The following SH3GL2 variants were observed in gnomAD, a reference collection of about 807,000 sequenced individuals.
SH3GL2 encodes the protein SH3 domain containing GRB2 like 2, endophilin A1, also known as endophilin-A1.
Under a neutral mutation model 46.0 loss-of-function variants are expected in SH3GL2, and 24 were observed. The ratio of observed to expected loss-of-function variants is 0.52; its 90% confidence interval spans 0.38 to 0.73. The LOEUF (loss-of-function observed/expected upper bound fraction) is 0.73, where lower values mean the gene tolerates loss of function less well. Among genes scored for constraint, SH3GL2 ranks in the 30% least tolerant of loss-of-function variants. The pLI is 0.00. For missense variants in SH3GL2, 413 were observed against 424.2 expected (o/e 0.97, Z 0.23); for synonymous variants, 196 against 147.1 (o/e 1.33, Z -2.40).
chr9:17,786,650 C>T, intron 4 of SH3GL2, 126 bp downstream of exon 4: 1 of 849,496 alleles, frequency 1.2e-6, no homozygotes, highest in South Asian at 1.5e-5. Flanking sequence ...AGATCCTACA[C>T]ACATGGGCCA....
At chr9:17,672,589 G>T (rs745542438) in intron 1 of SH3GL2, among the ~76,000 whole-genome samples, 5 of 152,072 alleles carry the variant, frequency 3.3e-5, no homozygotes, top group Non-Finnish European at 5.9e-5. Context: ...GGAGGCAAAT[G>T]AGCTGCAACA....
At chr9:17,706,630 C>G (rs1588259697) in intron 1 of SH3GL2, among the ~76,000 whole-genome samples, 5 of 152,046 alleles carry the variant, frequency 3.3e-5, no homozygotes, top group African/African-American at 1.2e-4. Context: ...CTGTTCATGT[C>G]TTTGTTCTAG....
intron 1 of SH3GL2, among the ~76,000 whole-genome samples, chr9:17,718,311 C>T (rs1013549654): frequency 4.6e-5 from 7 of 152,184 alleles, no homozygotes; most frequent in Middle Eastern, 3.4e-3. Flanking sequence ...ACATTGCCAA[C>T]GATATGAAAA....
intron 1 of SH3GL2, among the ~76,000 whole-genome samples, chr9:17,651,762 C>T (rs982839452): frequency 1.6e-4 from 24 of 151,968 alleles, no homozygotes; most frequent in Non-Finnish European, 2.9e-5. Flanking sequence ...TTCATATTTC[C>T]AATATTTCCT....
chr9:17,795,179 C>A (rs1252661718), intron 8 of SH3GL2, among the ~76,000 whole-genome samples: 1 of 152,206 alleles, frequency 6.6e-6, no homozygotes, highest in African/African-American at 2.4e-5. Flanking sequence ...TAACCTACAT[C>A]ATTATATTCT....
chr9:17,579,113 C>T lies in SH3GL2; in HGVS notation c.-130C>T, dbSNP rs540242145. On this transcript the variant is annotated 5_prime_UTR_variant, in exon 1 of 9. Coordinates refer to ENST00000380607, the MANE Select transcript of SH3GL2 (RefSeq NM_003026.5). ...GCCCGTGTCCCGCTAGGCTCCGCGC[C>T]CTCGCGCCCATAGCCCCGGCGGCGG... The T allele has an allele frequency of 5.5e-6, 3 of 544,062 alleles. No homozygotes were observed. The East Asian group carries it at 1.1e-4, about 20-fold the overall frequency. The allele number at this position is 544,062 out of a possible 1,614,324, so 33.7% of individuals were successfully genotyped here. A position where few individuals can be genotyped will look rare whatever the true frequency, so the allele number is the denominator to read the frequency against.
intron 1 of SH3GL2, among the ~76,000 whole-genome samples, chr9:17,675,998 G>A (rs1406222820): frequency 6.6e-6 from 1 of 152,122 alleles, no homozygotes; most frequent in African/African-American, 2.4e-5. Flanking sequence ...TATTGGATTT[G>A]GTCTACTGAT....
chr9:17,660,300 C>G (rs942996162), intron 1 of SH3GL2, among the ~76,000 whole-genome samples: 1 of 152,308 alleles, frequency 6.6e-6, no homozygotes, highest in African/African-American at 2.4e-5. Flanking sequence ...GTCTGTCCCT[C>G]TGGCTGCCTG....
At chr9:17,657,430 G>A (rs902096302) in intron 1 of SH3GL2, among the ~76,000 whole-genome samples, 2 of 152,168 alleles carry the variant, frequency 1.3e-5, no homozygotes, top group African/African-American at 2.4e-5. Context: ...TCTGGTCTTG[G>A]CAGTAGTGTG....
chr9:17,757,115 A>C lies in SH3GL2; in HGVS notation c.115-4322A>C, dbSNP rs1011348741. On this transcript the variant is annotated intron_variant, in intron 2 of 8. Coordinates refer to ENST00000380607, the MANE Select transcript of SH3GL2 (RefSeq NM_003026.5). ...TTTTCCATATGTCTGTTGGCTGCAT[A>C]AATGTCTTCTTTTGAGAAGTGTCTG... 2.6e-5 allele frequency among the ~76,000 whole-genome samples: 4 copies of C among 152,298 alleles called. 1 individual carries two copies. The South Asian group carries it at 6.2e-4, about 24-fold the overall frequency.
chr9:17,623,061 T>C (rs1221295905), intron 1 of SH3GL2, among the ~76,000 whole-genome samples: 1 of 72,100 alleles, frequency 1.4e-5, no homozygotes, highest in East Asian at 4.9e-4. Context: ...CCCTTCCCCT[T>C]CCCCTTCCCC....
intron 1 of SH3GL2, among the ~76,000 whole-genome samples, chr9:17,609,339 C>T (rs1818818553): frequency 6.6e-6 from 1 of 151,756 alleles, no homozygotes; most frequent in Admixed American, 6.6e-5. Flanking sequence ...AGCAAAGATG[C>T]TCTTGTGTTT....
intron 2 of SH3GL2, among the ~76,000 whole-genome samples, chr9:17,756,568 T>A (rs962347280): frequency 6.7e-6 from 1 of 148,558 alleles, no homozygotes; most frequent in Non-Finnish European, 1.5e-5. Flanking sequence ...GAGTGAGAAC[T>A]TGCGGTGTTT....
At chr9:17,648,252 G>A (rs888051901) in intron 1 of SH3GL2, among the ~76,000 whole-genome samples, 3 of 152,132 alleles carry the variant, frequency 2.0e-5, no homozygotes, top group African/African-American at 2.4e-5. Context: ...GATTCCACTT[G>A]TATATAGAGA....
chr9:17,599,120 A>G (rs1428305216), intron 1 of SH3GL2, among the ~76,000 whole-genome samples: 6 of 152,244 alleles, frequency 3.9e-5, no homozygotes, highest in African/African-American at 1.2e-4. Context: ...ATAAAATTTA[A>G]TCCTTTTTGT....
intron 1 of SH3GL2, among the ~76,000 whole-genome samples, chr9:17,688,532 C>T (rs1820987092): frequency 6.6e-6 from 1 of 151,956 alleles, no homozygotes; most frequent in Non-Finnish European, 1.5e-5. Context: ...GTTTCCAATA[C>T]CATCCTTCAG....
chr9:17,772,325 T>A (rs1823508563), intron 3 of SH3GL2, among the ~76,000 whole-genome samples: 1 of 152,250 alleles, frequency 6.6e-6, no homozygotes, highest in African/African-American at 2.4e-5. Context: ...TTAATTTTTC[T>A]TATTTTTCAT....
At chr9:17,790,466 T>G (rs1291715923) in intron 6 of SH3GL2, 11 of 967,588 alleles carry the variant, frequency 1.1e-5, no homozygotes, top group African/African-American at 1.8e-5. Context: ...CTGGAGACAG[T>G]GTAGGTTTTT....
chr9:17,701,783 G>A (rs1315573782), intron 1 of SH3GL2, among the ~76,000 whole-genome samples: 1 of 151,960 alleles, frequency 6.6e-6, no homozygotes, highest in African/African-American at 2.4e-5. Flanking sequence ...TATAACACAT[G>A]TATGATTTTT....
Sources: gnomAD v4.1 joint callset for allele counts (sites outside exome capture counted in the v4.1 genomes callset) on GRCh38, gnomAD v4.1.1 for gene constraint, MANE v1.5 for transcripts, NCBI Gene and HGNC (gene_info 2026-07-23, HGNC 2026-07-21) for gene names.